The following TBXAS1 variants were observed in gnomAD, a reference collection of about 807,000 sequenced individuals.
The protein encoded by TBXAS1 is thromboxane-A synthase.
A neutral mutation model predicts 60.7 loss-of-function variants in TBXAS1; 48 were observed. The ratio of observed to expected loss-of-function variants is 0.79; its 90% CI spans 0.63 to 1.01. TBXAS1 has a LOEUF of 1.01. Among genes scored for constraint, TBXAS1 ranks in the 50% least tolerant of loss-of-function variants. TBXAS1 has a pLI of 0.00. For missense variants in TBXAS1, 685 were observed against 686.3 expected, an observed-to-expected ratio of 1.00 and a Z score of 0.02; for synonymous variants, 287 against 269.7, an observed-to-expected ratio of 1.06 and a Z score of -0.63.
intron 1 of TBXAS1, chr7:139,780,714 C>G (rs113058894): frequency 1.6e-4 from 24 of 154,418 alleles, no homozygotes; most frequent in African/African-American, 5.8e-4. Flanking sequence ...ACCAGCCCCA[C>G]TGACTTTTGT....
chr7:139,898,617 T>C (rs546194831), intron 3 of TBXAS1, among the ~76,000 whole-genome samples: 1 of 152,140 alleles, frequency 6.6e-6, no homozygotes, highest in East Asian at 1.9e-4. Flanking sequence ...GGCCTGTGCA[T>C]GCCTTTCTGT....
chr7:140,019,411 G>A (rs62490131), intron 12 of TBXAS1, among the ~76,000 whole-genome samples: 9,702 of 152,168 alleles, frequency 0.064, 387 homozygotes, highest in Non-Finnish European at 0.09. Context: ...CTCCCAAAAC[G>A]CTGCTTATGC....
intron 3 of TBXAS1, among the ~76,000 whole-genome samples, chr7:139,901,570 T>C (rs1261909789): frequency 1.3e-5 from 2 of 152,058 alleles, no homozygotes; most frequent in Non-Finnish European, 2.9e-5. Context: ...TGGTTAAATA[T>C]AGAGCAGGTT....
At chr7:139,792,996 A>G (rs1333793018) in intron 4 of TBXAS1, among the ~76,000 whole-genome samples, 1 of 152,220 alleles carries the variant, frequency 6.6e-6, no homozygotes, top group Non-Finnish European at 1.5e-5. Context: ...ACTAGACAAA[A>G]TGTTCAGACC....
Position 139,998,582 on chromosome 7 carries a change from C to T in TBXAS1, c.1135-8509C>T, listed in dbSNP as rs10274414. Among the ~76,000 whole-genome samples the T allele has an allele frequency of 8.0e-3, 1,213 of 152,326 alleles. 23 individuals carry two copies. Among genetic ancestry groups the T allele is most frequent in the African/African-American group, 0.027 (1,128 of 41,580 alleles). Reference sequence around the variant, plus strand: ...TCTATAAAATAGACAATAAAAGCTGCTCTACCTACCTCACAGTGTGGTTGT... The same window carrying T: ...TCTATAAAATAGACAATAAAAGCTGTTCTACCTACCTCACAGTGTGGTTGT... On this transcript the variant is annotated intron_variant, in intron 9 of 12. Transcript: ENST00000448866.
intron 1 of TBXAS1, among the ~76,000 whole-genome samples, chr7:139,841,947 A>AGATT (rs535458783): frequency 7.7e-4 from 118 of 152,308 alleles, no homozygotes; most frequent in African/African-American, 2.5e-3. Context: ...TGTGGAGAAT[A>AGATT]GATTGATTTT....
intron 5 of TBXAS1, among the ~76,000 whole-genome samples, chr7:139,948,125 A>C (rs1231408513): frequency 6.6e-6 from 1 of 152,220 alleles, no homozygotes; most frequent in Admixed American, 6.5e-5. Flanking sequence ...TTGGCCTCCC[A>C]AAGTGCTGAG....
intron 4 of TBXAS1, among the ~76,000 whole-genome samples, chr7:139,801,001 C>T (rs1234193237): frequency 6.6e-6 from 1 of 152,184 alleles, no homozygotes; most frequent in African/African-American, 2.4e-5. Flanking sequence ...TCTTTTATTA[C>T]TCCAGAATAA....
intron 4 of TBXAS1, among the ~76,000 whole-genome samples, chr7:139,797,933 A>T (rs892826496): frequency 6.6e-6 from 1 of 152,166 alleles, no homozygotes; most frequent in African/African-American, 2.4e-5. Flanking sequence ...GAACAAAGAG[A>T]TGCTTCCTGA....
chr7:139,939,702 G>A (rs1294862276), intron 5 of TBXAS1, among the ~76,000 whole-genome samples: 6 of 151,992 alleles, frequency 3.9e-5, no homozygotes, highest in African/African-American at 7.2e-5. Flanking sequence ...ACACAGAGAC[G>A]TGTAGCATAT....
chr7:139,937,183 T>A (rs1460993615), intron 5 of TBXAS1, among the ~76,000 whole-genome samples: 3 of 152,186 alleles, frequency 2.0e-5, no homozygotes, highest in Non-Finnish European at 2.9e-5. Flanking sequence ...GCCCTTATGA[T>A]GTGAAGGGGC....
intron 9 of TBXAS1, among the ~76,000 whole-genome samples, chr7:139,970,646 T>G (rs1811131827): frequency 6.6e-6 from 1 of 152,232 alleles, no homozygotes; most frequent in Non-Finnish European, 1.5e-5. Flanking sequence ...GCATTCACTT[T>G]ATTGAGTGGG....
intron 9 of TBXAS1, among the ~76,000 whole-genome samples, chr7:139,965,104 G>T (rs1810677437): frequency 6.6e-6 from 1 of 152,204 alleles, no homozygotes. Context: ...TGTAATCCCA[G>T]CTACTCGGGA....
At chr7:139,921,290 G>C (rs1806450508) in intron 4 of TBXAS1, among the ~76,000 whole-genome samples, 1 of 152,168 alleles carries the variant, frequency 6.6e-6, no homozygotes, top group African/African-American at 2.4e-5. Context: ...AATTTGTATA[G>C]ATTTCTCTTT....
intron 1 of TBXAS1, among the ~76,000 whole-genome samples, chr7:139,835,172 T>C (rs958473634): frequency 6.6e-6 from 1 of 151,828 alleles, no homozygotes; most frequent in Non-Finnish European, 1.5e-5. Context: ...GTTCATGCCA[T>C]TCTCCTGCCT....
Position 139,915,801 on chromosome 7 carries a change from A to G in TBXAS1, c.333+4480A>G, listed in dbSNP as rs551811993. 2.0e-5 allele frequency among the ~76,000 whole-genome samples: 3 copies of G among 152,324 alleles called. No individual in the cohort carries two copies. In the South Asian group the frequency reaches 6.2e-4, roughly 32 times the overall value. The stretch of plus-strand genomic sequence containing the variant: ...AATATTCTTTTCCAAACTCCAGAAC[A>G]CTGGCTGGAGCAGACTGTGGGTTGG... On this transcript the variant is annotated intron_variant, in intron 4 of 12. Transcript: ENST00000448866.
chr7:139,801,838 T>C (rs940465964), intron 4 of TBXAS1, among the ~76,000 whole-genome samples: 1 of 151,548 alleles, frequency 6.6e-6, no homozygotes, highest in African/African-American at 2.4e-5. Context: ...ATATCTGCTC[T>C]CTGCAACCTC....
intron 8 of TBXAS1, among the ~76,000 whole-genome samples, chr7:139,960,520 C>G (rs1003699635): frequency 2.0e-5 from 3 of 151,858 alleles, no homozygotes; most frequent in Non-Finnish European, 4.4e-5. Context: ...CTGAGGCGGG[C>G]GGATCACCTG....
At position 139,975,139 on chromosome 7, in the gene TBXAS1, C is replaced by T. The variant is rs1431399195; in HGVS notation, c.1134+12906C>T. On this transcript the variant is annotated intron_variant, in intron 9 of 12. Transcript: ENST00000448866. The surrounding 1 kb of genome is among the most constrained non-coding windows in gnomAD (Gnocchi z 4.4). The stretch of plus-strand genomic sequence containing the variant: ...AGTTTTTGCTCTTACGGCCTTCAAC[C>T]GATTGGATGAGGCACGCCCATATTA... Among the ~76,000 whole-genome samples, 1 of 152,126 alleles carries T rather than the reference C, an allele frequency of 6.6e-6. No individual in the cohort carries two copies. Among genetic ancestry groups the T allele is most frequent in the Non-Finnish European group, 1.5e-5 (1 of 68,022 alleles).
Sources: gnomAD v4.1 joint callset for allele counts (sites outside exome capture counted in the v4.1 genomes callset) on GRCh38, gnomAD v4.1.1 for gene constraint, Gnocchi (gnomAD v3.1) non-coding constraint, MANE v1.5 for transcripts, NCBI Gene and HGNC (gene_info 2026-07-23, HGNC 2026-07-21) for gene names.